KIRREL3: variants seen among roughly 807,000 people sequenced by gnomAD.
KIRREL3 encodes the protein kin of IRRE-like protein 3.
KIRREL3 carries 36 observed loss-of-function variants against 89.7 expected under a neutral mutation model. That is an observed-to-expected ratio of 0.40 (90% CI 0.31 to 0.53). KIRREL3 has a LOEUF of 0.53. Among genes scored for constraint, KIRREL3 ranks in the 20% least tolerant of loss-of-function variants. KIRREL3 has a pLI of 0.49. For synonymous variants in KIRREL3, 445 were observed against 441.4 expected, an observed-to-expected ratio of 1.01 and a Z score of -0.10; for missense variants, 864 against 1,056.6, an observed-to-expected ratio of 0.82 and a Z score of 2.53.
chr11:126,928,752 G>A (rs908469733), intron 1 of KIRREL3, among the ~76,000 whole-genome samples: 1 of 152,176 alleles, frequency 6.6e-6, no homozygotes, highest in Non-Finnish European at 1.5e-5. Context: ...TCTTTTTAAA[G>A]TTGGTTTGTT....
At position 126,620,437 on chromosome 11, in the gene KIRREL3, T is replaced by C. The variant is rs1484029105; in HGVS notation, c.56-57525A>G. 2.0e-5 allele frequency among the ~76,000 whole-genome samples: 3 copies of C among 152,190 alleles called. No individual in the cohort carries two copies. Among genetic ancestry groups the C allele is most frequent in the African/African-American group, 7.2e-5 (3 of 41,420 alleles). Reference sequence around the variant, plus strand: ...CATCCATTAATGAAAAGTATTAGACTAAGTCTTTGTTGAGTAGTAATTCTT... The same window carrying C: ...CATCCATTAATGAAAAGTATTAGACCAAGTCTTTGTTGAGTAGTAATTCTT... On this transcript the variant is annotated intron_variant, in intron 1 of 16. Transcript: ENST00000525144. This position sits in a 1 kb window ranked among gnomAD's most constrained non-coding sequence, Gnocchi z 4.8.
In KIRREL3 at chr11:126,977,131, C is replaced by T. The variant is rs770443504; in HGVS notation, c.55+23324G>A. 6.6e-6 allele frequency among the ~76,000 whole-genome samples: 1 copy of T among 152,294 alleles called. No individual in the cohort carries two copies. Among genetic ancestry groups the T allele is most frequent in the Middle Eastern group, 3.4e-3 (1 of 294 alleles). On this transcript the variant is annotated intron_variant, in intron 1 of 16. Coordinates refer to ENST00000525144, the MANE Select transcript of KIRREL3 (RefSeq NM_032531.4). This position sits in a 1 kb window ranked among gnomAD's most constrained non-coding sequence, Gnocchi z 4.7. ...TTTTTTCTTTTTCTGCAGGCTTCAG[C>T]TCCTTCTGGGTCTTAGTGTCACTTG...
intron 1 of KIRREL3, among the ~76,000 whole-genome samples, chr11:126,930,019 T>C (rs1947878687): frequency 6.6e-6 from 1 of 152,042 alleles, no homozygotes; most frequent in Non-Finnish European, 1.5e-5. Flanking sequence ...TGTAATTTGT[T>C]CATTTCTTAT....
Position 126,594,769 on chromosome 11 carries a change from A to C in KIRREL3, c.56-31857T>G, listed in dbSNP as rs1942311666. ...GCAGAGACACTGAATAGAACATAGA[A>C]GGGGTTGTTTTCCTAAAGCTCATAT... On this transcript the variant is annotated intron_variant, in intron 1 of 16. Transcript: ENST00000525144. The surrounding 1 kb of genome is among the most constrained non-coding windows in gnomAD (Gnocchi z 5.0). Among the ~76,000 whole-genome samples, 1 of 152,236 alleles carries C rather than the reference A, an allele frequency of 6.6e-6. No individual in the cohort carries two copies. The highest frequency in any genetic ancestry group is 1.5e-5 in the Non-Finnish European group (1 of 68,046).
At chr11:126,663,593 G>A (rs562961169) in intron 1 of KIRREL3, among the ~76,000 whole-genome samples, 4 of 152,322 alleles carry the variant, frequency 2.6e-5, no homozygotes, top group South Asian at 2.1e-4. Context: ...TCTCATGGAA[G>A]CGTATGCTTC....
chr11:126,917,934 A>G lies in KIRREL3; in HGVS notation c.55+82521T>C, dbSNP rs139186443. ...TCGATTTCACTTGGTGTGTGATGAC[A>G]CATCTTACAGTGATGGAGCAGAATT... On this transcript the variant is annotated intron_variant, in intron 1 of 16. Coordinates refer to ENST00000525144, the MANE Select transcript of KIRREL3 (RefSeq NM_032531.4). The surrounding 1 kb of genome is among the most constrained non-coding windows in gnomAD (Gnocchi z 5.0). 6.6e-6 allele frequency among the ~76,000 whole-genome samples: 1 copy of G among 152,282 alleles called. No individual in the cohort carries two copies. The highest frequency in any genetic ancestry group is 2.4e-5 in the African/African-American group (1 of 41,546).
chr11:126,507,270 G>A (rs1031823105), intron 4 of KIRREL3, among the ~76,000 whole-genome samples: 3 of 152,180 alleles, frequency 2.0e-5, no homozygotes, highest in African/African-American at 4.8e-5. Context: ...GGATTGTGGG[G>A]GTGGTTGCAC....
At chr11:126,487,900 G>A (rs151002603) in intron 4 of KIRREL3, among the ~76,000 whole-genome samples, 2 of 152,338 alleles carry the variant, frequency 1.3e-5, no homozygotes, top group African/African-American at 2.4e-5. Context: ...GTCCTGTCCT[G>A]AAAGGGGTAA....
In KIRREL3 at chr11:126,756,573, A is replaced by C. The variant is rs373053911; in HGVS notation, c.56-193661T>G. On this transcript the variant is annotated intron_variant, in intron 1 of 16. Coordinates refer to ENST00000525144, the MANE Select transcript of KIRREL3 (RefSeq NM_032531.4). Reference sequence around the variant, plus strand: ...AGGCCCCTGGAATGCCAGTGGCGCTATCTCACATCCCTGGAAGAGAGTGGA... The same window carrying C: ...AGGCCCCTGGAATGCCAGTGGCGCTCTCTCACATCCCTGGAAGAGAGTGGA... Among the ~76,000 whole-genome samples the C allele has an allele frequency of 2.0e-4, 31 of 152,368 alleles. No homozygotes were observed. In the East Asian group the frequency reaches 5.4e-3, roughly 27 times the overall value.
chr11:126,615,582 A>G lies in KIRREL3; in HGVS notation c.56-52670T>C, dbSNP rs1438277184. On this transcript the variant is annotated intron_variant, in intron 1 of 16. Transcript: ENST00000525144. The surrounding 1 kb of genome is among the most constrained non-coding windows in gnomAD (Gnocchi z 5.4). The stretch of plus-strand genomic sequence containing the variant: ...CTGGAGGTATTCAAGCTGAAGATAG[A>G]CAACCACTTGGGGGACCTAGTTGTG... Among the ~76,000 whole-genome samples, 1 of 152,106 alleles carries G rather than the reference A, an allele frequency of 6.6e-6. No homozygotes were observed. The highest frequency in any genetic ancestry group is 1.5e-5 in the Non-Finnish European group (1 of 68,026).
At chr11:126,866,490 G>A (rs1377672247) in intron 1 of KIRREL3, among the ~76,000 whole-genome samples, 2 of 152,222 alleles carry the variant, frequency 1.3e-5, no homozygotes. Context: ...CAGTGAAATA[G>A]GAGGGGGGCC....
In KIRREL3 at chr11:126,609,620, G is replaced by C. The variant is rs1194143400; in HGVS notation, c.56-46708C>G. On this transcript the variant is annotated intron_variant, in intron 1 of 16. Transcript: ENST00000525144. The surrounding 1 kb of genome is among the most constrained non-coding windows in gnomAD (Gnocchi z 5.0). ...GGGGACCTCCGATGCATGCTCACTT[G>C]TATAAAATCTAACTGGAACTGGGAT... Among the ~76,000 whole-genome samples the C allele has an allele frequency of 6.6e-6, 1 of 152,148 alleles. No homozygotes were observed. The highest frequency in any genetic ancestry group is 2.4e-5 in the African/African-American group (1 of 41,422).
chr11:126,458,867 C>A (rs1388296642), intron 6 of KIRREL3, among the ~76,000 whole-genome samples: 1 of 152,182 alleles, frequency 6.6e-6, no homozygotes, highest in Non-Finnish European at 1.5e-5. Flanking sequence ...CCCCCAGAAC[C>A]CCGTGACCTC....
intron 1 of KIRREL3, among the ~76,000 whole-genome samples, chr11:126,673,620 G>C (rs758948713): frequency 9.9e-5 from 15 of 152,188 alleles, no homozygotes; most frequent in Non-Finnish European, 1.2e-4. Flanking sequence ...ACTGGGGAAT[G>C]AAAAATAAAT....
intron 1 of KIRREL3, among the ~76,000 whole-genome samples, chr11:126,577,579 T>C (rs1941319759): frequency 7.9e-6 from 1 of 125,916 alleles, no homozygotes; most frequent in Non-Finnish European, 1.6e-5. Flanking sequence ...AAACCCTGTC[T>C]CTACTAAAAA....
In KIRREL3 at chr11:126,635,595, C is replaced by G. The variant is rs1477592437; in HGVS notation, c.56-72683G>C. Among the ~76,000 whole-genome samples the G allele has an allele frequency of 6.6e-6, 1 of 152,144 alleles. No homozygotes were observed. Among genetic ancestry groups the G allele is most frequent in the South Asian group, 2.1e-4 (1 of 4,824 alleles). ...TTGTACACCCCCAGCAACGAGCCCC[C>G]CTGCCAGCCCAGAGTAACCAGAGAT... On this transcript the variant is annotated intron_variant, in intron 1 of 16. Coordinates refer to ENST00000525144, the MANE Select transcript of KIRREL3 (RefSeq NM_032531.4). The surrounding 1 kb of genome is among the most constrained non-coding windows in gnomAD (Gnocchi z 4.0).
intron 1 of KIRREL3, among the ~76,000 whole-genome samples, chr11:126,857,852 C>T (rs1273835038): frequency 6.6e-6 from 1 of 151,818 alleles, no homozygotes; most frequent in Non-Finnish European, 1.5e-5. Context: ...CTGCAGGTGG[C>T]TGTGTGCAGT....
intron 4 of KIRREL3, among the ~76,000 whole-genome samples, chr11:126,500,844 A>G (rs916237418): frequency 6.6e-6 from 1 of 152,210 alleles, no homozygotes; most frequent in Non-Finnish European, 1.5e-5. Flanking sequence ...AACTCTGTTA[A>G]CCAGAATGGG....
At chr11:126,862,684 G>A (rs1944743001) in intron 1 of KIRREL3, among the ~76,000 whole-genome samples, 1 of 152,100 alleles carries the variant, frequency 6.6e-6, no homozygotes, top group African/African-American at 2.4e-5. Flanking sequence ...AGTCACTATC[G>A]ACTACTCCCA....
Sources: allele counts gnomAD v4.1 joint callset (sites outside exome capture counted in the v4.1 genomes callset), GRCh38; gene constraint gnomAD v4.1.1; non-coding constraint Gnocchi (gnomAD v3.1); transcripts MANE v1.5; gene names NCBI Gene and HGNC (gene_info 2026-07-23, HGNC 2026-07-21).